The following SPAG6 variants were observed in gnomAD, a reference collection of about 807,000 sequenced individuals.
The protein encoded by SPAG6 is sperm associated antigen 6.
In SPAG6, 49 loss-of-function variants were observed where a neutral mutation model predicts 58.5. The ratio of observed to expected loss-of-function variants is 0.84; its 90% CI spans 0.67 to 1.06. The LOEUF is 1.06. Among genes scored for constraint, SPAG6 ranks in the 50% least tolerant of loss-of-function variants. The pLI is 0.00. For synonymous variants in SPAG6, 233 were observed against 225.6 expected (o/e 1.03, Z -0.29); for missense variants, 560 against 611.3 (o/e 0.92, Z 0.89).
intron 9 of SPAG6, among the ~76,000 whole-genome samples, 153 bp from the exon 10 acceptor site, chr10:22,410,878 A>G (rs1834713959): frequency 6.6e-6 from 1 of 152,176 alleles, no homozygotes; most frequent in East Asian, 1.9e-4. Context: ...AGCACATTTC[A>G]CTTCAAATTA....
At chr10:22,348,667 A>G (rs946478140) in intron 2 of SPAG6, among the ~76,000 whole-genome samples, 1 of 152,236 alleles carries the variant, frequency 6.6e-6, no homozygotes, top group Non-Finnish European at 1.5e-5. Context: ...AAAATTGTCA[A>G]TGGAGTTTTT....
intron 8 of SPAG6, among the ~76,000 whole-genome samples, chr10:22,394,645 A>G (rs1046275419): frequency 6.6e-6 from 1 of 152,166 alleles, no homozygotes; most frequent in East Asian, 1.9e-4. Flanking sequence ...CCAGGCAACC[A>G]TTAATTTACT....
chr10:22,402,837 T>A (rs1834447305), intron 9 of SPAG6, among the ~76,000 whole-genome samples: 1 of 152,116 alleles, frequency 6.6e-6, no homozygotes, highest in African/African-American at 2.4e-5. Flanking sequence ...CCTCTAAGAG[T>A]GATAAGGGGT....
chr10:22,358,961 G>A (rs1032803755), intron 2 of SPAG6, among the ~76,000 whole-genome samples: 1 of 152,198 alleles, frequency 6.6e-6, no homozygotes, highest in Non-Finnish European at 1.5e-5. Flanking sequence ...GAGGCACAGA[G>A]ATGTTAAGTA....
chr10:22,366,301 A>G (rs1837200406), intron 3 of SPAG6, among the ~76,000 whole-genome samples: 1 of 152,226 alleles, frequency 6.6e-6, no homozygotes, highest in Non-Finnish European at 1.5e-5. Context: ...GCAAGAAGCC[A>G]GACACAAAAG....
At chr10:22,384,537 A>T (rs181457550) in intron 4 of SPAG6, among the ~76,000 whole-genome samples, 3 of 152,214 alleles carry the variant, frequency 2.0e-5, no homozygotes, top group African/African-American at 7.2e-5. Context: ...TAATATTAAC[A>T]TATGTTTGAA....
At chr10:22,412,514 G>A (rs904591304) in intron 10 of SPAG6, 2 of 1,490,678 alleles carry the variant, frequency 1.3e-6, no homozygotes, top group East Asian at 2.5e-5. Context: ...GACCAAAAGA[G>A]TTCCAATAGG....
At chr10:22,355,760 G>A (rs1460401748) in intron 2 of SPAG6, among the ~76,000 whole-genome samples, 2 of 152,044 alleles carry the variant, frequency 1.3e-5, no homozygotes, top group East Asian at 1.9e-4. Context: ...TCAAATGCAG[G>A]AACAATGGCC....
chr10:22,399,340 A>C (rs955976747), intron 8 of SPAG6, among the ~76,000 whole-genome samples: 2 of 152,178 alleles, frequency 1.3e-5, no homozygotes, highest in East Asian at 3.9e-4. Context: ...AGCTCCAGAC[A>C]ACTATTAATC....
In SPAG6 at chr10:22,389,198, C is replaced by T. The variant is rs16922224; in HGVS notation, c.891C>T (p.Ala297=). ...TAGTTAACGCAGGAGGGGTTGCTGC[C>T]GTGATTGACTGCATTGGGTCCTGCA... ...QLVVNAGGVA[A]VIDCIGSCKG... Residue 297 remains alanine, a synonymous_variant, in exon 7 of 11, where the codon GCC becomes GCT. Transcript: ENST00000376624. 1,023 of 1,613,380 alleles carry T rather than the reference C, an allele frequency of 6.3e-4. 6 individuals carry two copies. In the African/African-American group the frequency reaches 0.012, roughly 19 times the overall value.
intron 7 of SPAG6, among the ~76,000 whole-genome samples, chr10:22,390,115 A>G (rs1834153006): frequency 1.3e-5 from 2 of 152,088 alleles, no homozygotes; most frequent in Admixed American, 6.6e-5. Context: ...GGAGCCTCAG[A>G]TCTTTATTTT....
At chr10:22,413,066 C>CAAAAAAAAAAAAAAAAAAAAAAAAA in intron 10 of SPAG6, 1 of 43,316 alleles carries the variant, frequency 2.3e-5, no homozygotes, top group African/African-American at 8.7e-5. Flanking sequence ...CAGAAAGATG[C>CAAAAAAAAAAAAAAAAAAAAAAAAA]AAAAAAAAAA....
At chr10:22,380,085 C>T (rs748620693) in intron 4 of SPAG6, among the ~76,000 whole-genome samples, 16 of 152,074 alleles carry the variant, frequency 1.1e-4, no homozygotes, top group Non-Finnish European at 2.1e-4. Context: ...TGAGGCACTG[C>T]GCCTGGCCAA....
chr10:22,352,417 A>T (rs1836754879), intron 2 of SPAG6, among the ~76,000 whole-genome samples: 1 of 152,216 alleles, frequency 6.6e-6, no homozygotes, highest in African/African-American at 2.4e-5. Context: ...TAAAAAAAAT[A>T]GATGCTTAGA....
rs533988737 is a variant in SPAG6, at chr10:22,399,423, T to C, written c.1198-1738T>C. Among the ~76,000 whole-genome samples the C allele has an allele frequency of 7.9e-5, 12 of 152,350 alleles. 3 individuals are homozygous for C. The highest frequency in any genetic ancestry group is 2.6e-4 in the African/African-American group (11 of 41,578). On this transcript the variant is annotated intron_variant, in intron 8 of 10. Coordinates refer to ENST00000376624, the MANE Select transcript of SPAG6 (RefSeq NM_012443.4). ...TGAAATTATACAATATATGAACTTT[T>C]GTGCCTGGCCTCTTTCACTAAGGGT...
chr10:22,385,928 G>C (rs931313686), intron 4 of SPAG6, among the ~76,000 whole-genome samples: 3 of 152,168 alleles, frequency 2.0e-5, no homozygotes, highest in African/African-American at 7.2e-5. Flanking sequence ...AGTAGAATCT[G>C]TAACTGTGTG....
intron 4 of SPAG6, among the ~76,000 whole-genome samples, chr10:22,370,014 A>G (rs1189819193): frequency 6.6e-6 from 1 of 152,202 alleles, no homozygotes; most frequent in East Asian, 1.9e-4. Context: ...ATTTGACAGA[A>G]ATTTAGTGGA....
At chr10:22,356,560 G>C (rs909992311) in intron 2 of SPAG6, among the ~76,000 whole-genome samples, 2 of 152,130 alleles carry the variant, frequency 1.3e-5, no homozygotes, top group African/African-American at 2.4e-5. Flanking sequence ...TTTATCTCTT[G>C]CTACCTCACT....
chr10:22,346,015 G>A (rs947081166), intron 2 of SPAG6, 197 bp downstream of exon 2: 11 of 1,545,600 alleles, frequency 7.1e-6, no homozygotes, highest in Admixed American at 2.0e-5. Flanking sequence ...GGAGGTGCGC[G>A]TTGTCCCTGT....
Sources: gnomAD v4.1 joint callset for allele counts (sites outside exome capture counted in the v4.1 genomes callset) on GRCh38, gnomAD v4.1.1 for gene constraint, MANE v1.5 for transcripts, NCBI Gene and HGNC (gene_info 2026-07-23, HGNC 2026-07-21) for gene names.